IGBP1C: variants seen among roughly 807,000 people sequenced by gnomAD.
IGBP1C encodes immunoglobulin-binding protein 1 family member C.
the IGBP1C span, among the ~76,000 whole-genome samples, chr17:58,677,119 CAAAA>C: frequency 3.8e-5 from 3 of 78,654 alleles, no homozygotes; most frequent in African/African-American, 1.4e-4. Context: ...AACTCCGTCT[CAAAA>C]AAAAAAAAAA....
At chr17:58,682,336 C>T in the IGBP1C span, among the ~76,000 whole-genome samples, 1 of 151,752 alleles carries the variant, frequency 6.6e-6, no homozygotes, top group African/African-American at 2.4e-5. Context: ...CAGCTCACTG[C>T]CACATCTGCC....
At chr17:58,670,771 TTAAAA>T in the IGBP1C span, among the ~76,000 whole-genome samples, 2 of 7,956 alleles carry the variant, frequency 2.5e-4, no homozygotes, top group Admixed American at 2.1e-3. Flanking sequence ...AGACTCCCTC[TTAAAA>T]AAAAAAAAAA....
chr17:58,688,839 A>G, the IGBP1C span, among the ~76,000 whole-genome samples: 1 of 152,198 alleles, frequency 6.6e-6, no homozygotes, highest in Non-Finnish European at 1.5e-5. Flanking sequence ...TGAAGTATCC[A>G]GTTTAAGCCT....
chr17:58,675,624 C>T, the IGBP1C span, among the ~76,000 whole-genome samples: 2 of 152,174 alleles, frequency 1.3e-5, no homozygotes, highest in African/African-American at 4.8e-5. Flanking sequence ...ATGGTTTCCC[C>T]ATCTCCCTTC....
At chr17:58,685,355 G>C in the IGBP1C span, among the ~76,000 whole-genome samples, 1 of 151,446 alleles carries the variant, frequency 6.6e-6, no homozygotes, top group African/African-American at 2.4e-5. Context: ...ACAATCGCTT[G>C]AACGTGGGAG....
chr17:58,685,997 A>C, the IGBP1C span, among the ~76,000 whole-genome samples: 4 of 25,058 alleles, frequency 1.6e-4, no homozygotes, highest in South Asian at 9.9e-4. Flanking sequence ...TCTGTCTCAC[A>C]AAAAAAAAAA....
At chr17:58,680,233 A>G in the IGBP1C span, among the ~76,000 whole-genome samples, 1 of 152,122 alleles carries the variant, frequency 6.6e-6, no homozygotes, top group Non-Finnish European at 1.5e-5. Context: ...GCAGTTAAAC[A>G]AGCTGCTATA....
At chr17:58,678,732 GT>G in the IGBP1C span, among the ~76,000 whole-genome samples, 1 of 151,604 alleles carries the variant, frequency 6.6e-6, no homozygotes, top group Non-Finnish European at 1.5e-5. Flanking sequence ...TAAATGACGA[GT>G]TAATGGGTGC....
chr17:58,660,545 G>A, the IGBP1C span: 1 of 769,348 alleles, frequency 1.3e-6, no homozygotes, highest in South Asian at 1.4e-5. Context: ...GGGAAGGTGT[G>A]CACCCTGCAG....
the IGBP1C span, chr17:58,661,585 T>C: frequency 1.4e-6 from 1 of 728,498 alleles, no homozygotes; most frequent in Non-Finnish European, 2.5e-6. Flanking sequence ...GGAACTCGTC[T>C]TCAGCAGCTG....
the IGBP1C span, chr17:58,661,326 T>C: frequency 3.9e-5 from 34 of 873,202 alleles, no homozygotes; most frequent in South Asian, 4.1e-4. Context: ...ACTTGTTTCA[T>C]GGTGAGGGCT....
chr17:58,676,197 G>A, the IGBP1C span, among the ~76,000 whole-genome samples: 1 of 152,208 alleles, frequency 6.6e-6, no homozygotes, highest in Non-Finnish European at 1.5e-5. Context: ...CCAAAATGGT[G>A]AAACCCCATC....
At chr17:58,663,727 CG>C in the IGBP1C span, among the ~76,000 whole-genome samples, 1 of 152,064 alleles carries the variant, frequency 6.6e-6, no homozygotes, top group South Asian at 2.1e-4. Flanking sequence ...CTTGACCTCC[CG>C]AAGTGCTGGG....
At chr17:58,688,369 C>G in the IGBP1C span, among the ~76,000 whole-genome samples, 2 of 152,150 alleles carry the variant, frequency 1.3e-5, no homozygotes, top group African/African-American at 4.8e-5. Context: ...ATCTGCCAGC[C>G]TCAGCCTCCT....
At chr17:58,665,413 C>T in the IGBP1C span, among the ~76,000 whole-genome samples, 1 of 151,294 alleles carries the variant, frequency 6.6e-6, no homozygotes, top group South Asian at 2.1e-4. Context: ...TCAGCCTGAC[C>T]AACTTGCCTA....
chr17:58,682,601 T>C, the IGBP1C span, among the ~76,000 whole-genome samples: 4 of 151,808 alleles, frequency 2.6e-5, no homozygotes, highest in African/African-American at 9.7e-5. Flanking sequence ...CAAAACAAAA[T>C]GTTGATAATT....
At chr17:58,667,780 G>GC in the IGBP1C span, among the ~76,000 whole-genome samples, 1 of 151,988 alleles carries the variant, frequency 6.6e-6, no homozygotes, top group African/African-American at 2.4e-5. Context: ...AGCTACTTGG[G>GC]AGGCTGAGGC....
At chr17:58,684,525 C>T in the IGBP1C span, among the ~76,000 whole-genome samples, 1 of 151,394 alleles carries the variant, frequency 6.6e-6, no homozygotes, top group African/African-American at 2.4e-5. Flanking sequence ...TTCCCAGCTA[C>T]TCTGGAGGCT....
At chr17:58,661,892 A>G in the IGBP1C span, 4 of 286,872 alleles carry the variant, frequency 1.4e-5, no homozygotes, top group African/African-American at 2.2e-5. Flanking sequence ...TGAGGACTGA[A>G]TAAGAGAATG....
Sources: allele counts gnomAD v4.1 joint callset (sites outside exome capture counted in the v4.1 genomes callset), GRCh38; gene constraint gnomAD v4.1.1; transcripts MANE v1.5; gene names NCBI Gene and HGNC (gene_info 2026-07-23, HGNC 2026-07-21).